CLEC4D: variants seen among roughly 807,000 people sequenced by gnomAD.
CLEC4D encodes C-type lectin domain family 4 member D.
A neutral mutation model predicts 21.1 loss-of-function variants in CLEC4D; 21 were observed. The observed-to-expected ratio is 1.00, with a 90% CI of 0.71 to 1.43. The LOEUF (loss-of-function observed/expected upper bound fraction) is 1.43. CLEC4D is among the 40% of genes most tolerant of loss of function. The probability of loss-of-function intolerance (pLI) is 0.00; values close to 1 mark genes in which losing one functional copy is unlikely to be tolerated. For missense variants in CLEC4D, 289 were observed against 260.7 expected, an observed-to-expected ratio of 1.11 and a Z score of -0.75; for synonymous variants, 85 against 83.1, an observed-to-expected ratio of 1.02 and a Z score of -0.12.
In CLEC4D at chr12:8,517,542, A is replaced by G. The variant is rs1025096550; in HGVS notation, c.122-622A>G. 2.7e-5 allele frequency among the ~76,000 whole-genome samples: 4 copies of G among 150,924 alleles called. No individual in the cohort carries two copies. In the South Asian group the frequency reaches 6.3e-4, roughly 24 times the overall value. On this transcript the variant is annotated intron_variant, in intron 2 of 5. Coordinates refer to ENST00000299665, the MANE Select transcript of CLEC4D (RefSeq NM_080387.5). ...AGGTGAAAGTATTTTAGAAATGCAT[A>G]AGGTTCATACAACCCAGCGCGCACC...
intron 2 of CLEC4D, among the ~76,000 whole-genome samples, chr12:8,517,081 C>T (rs1256729592): frequency 6.6e-6 from 1 of 152,116 alleles, no homozygotes; most frequent in Non-Finnish European, 1.5e-5. Flanking sequence ...AAGCAAAGCA[C>T]AGCGGTTACT....
intron 2 of CLEC4D, among the ~76,000 whole-genome samples, chr12:8,515,892 T>C (rs1940373904): frequency 6.6e-6 from 1 of 152,000 alleles, no homozygotes; most frequent in South Asian, 2.1e-4. Flanking sequence ...ATAATTATAA[T>C]TAAAGTAATA....
intron 2 of CLEC4D, among the ~76,000 whole-genome samples, chr12:8,517,256 C>T (rs1483772185): frequency 6.6e-6 from 1 of 152,114 alleles, no homozygotes; most frequent in Non-Finnish European, 1.5e-5. Flanking sequence ...ATTTGCTAAA[C>T]TGTTTTCCAC....
Position 8,521,397 on chromosome 12 carries a change from G to T in CLEC4D, c.*126G>T. 6.9e-7 allele frequency: 1 copy of T among 1,441,018 alleles called. No homozygotes were observed. 89.3% of individuals were successfully genotyped at this position (1,441,018 alleles called of 1,614,324 possible). A position where few individuals can be genotyped will look rare whatever the true frequency, so the allele number is the denominator to read the frequency against. The stretch of plus-strand genomic sequence containing the variant: ...TCATACAGCGTTTTTAGTCATAATG[G>T]TCTTTTTTATTTTGTTTGATTCATT... On this transcript the variant is annotated 3_prime_UTR_variant, in exon 6 of 6. Coordinates refer to ENST00000299665, the MANE Select transcript of CLEC4D (RefSeq NM_080387.5).
At chr12:8,521,034 T>C in intron 5 of CLEC4D, 90 bp from the exon 6 acceptor site, 2 of 1,454,734 alleles carry the variant, frequency 1.4e-6, no homozygotes, top group South Asian at 1.5e-5. Context: ...CTCTGAATTG[T>C]CTCCTAATAT....
At chr12:8,517,743 A>G (rs140423195) in intron 2 of CLEC4D, among the ~76,000 whole-genome samples, 2,077 of 152,134 alleles carry the variant, frequency 0.014, 49 homozygotes, top group African/African-American at 0.046. Context: ...TCAGGAGATC[A>G]AGACCATCCT....
At chr12:8,525,565 T>C (rs1366748470), downstream of CLEC4D, among the ~76,000 whole-genome samples, 1 of 152,210 alleles carries the variant, frequency 6.6e-6, no homozygotes, top group African/African-American at 2.4e-5. Flanking sequence ...TCCCTTTATT[T>C]TGAGCCTTTG....
At chr12:8,523,903 C>G (rs1416483350), downstream of CLEC4D, among the ~76,000 whole-genome samples, 5 of 152,110 alleles carry the variant, frequency 3.3e-5, no homozygotes, top group African/African-American at 1.2e-4. Flanking sequence ...GAGTTTTTAA[C>G]ATGAAAGGAT....
rs751277696 is a variant in CLEC4D at position 8,521,188 on chromosome 12, C to T, written c.565C>T (p.Gln189Ter). The change falls in exon 6 of 6, where the codon CAA becomes TAA. Residue 189 changes from glutamine to a stop codon, truncating the protein, a stop_gained. Coordinates refer to ENST00000299665, the MANE Select transcript of CLEC4D (RefSeq NM_080387.5). LOFTEE classifies it low-confidence loss of function (END_TRUNC). ...AAACTGTGTTGTTCTTGTTTATAACCAAGATAAATGGGCCTGGAATGATGT... is the reference window on the plus strand; with the variant it reads ...AAACTGTGTTGTTCTTGTTTATAACTAAGATAAATGGGCCTGGAATGATGT... ...GENCVVLVYN[Q>*]DKWAWNDVPC... 7 of 1,613,340 alleles carry T rather than the reference C, an allele frequency of 4.3e-6. No individual in the cohort carries two copies. The highest frequency in any genetic ancestry group is 5.9e-6 in the Non-Finnish European group (7 of 1,179,630).
At chr12:8,531,275 TA>T in the CLEC4D span, among the ~76,000 whole-genome samples, 1 of 152,156 alleles carries the variant, frequency 6.6e-6, no homozygotes, top group Non-Finnish European at 1.5e-5. Flanking sequence ...CTCCCGCATA[TA>T]CATGCACACA....
rs899584002 is a variant in CLEC4D at position 8,522,285 on chromosome 12, T to G, written c.*1014T>G. 6.6e-6 allele frequency: 1 copy of G among 152,156 alleles called. No individual in the cohort carries two copies. The highest frequency in any genetic ancestry group is 1.5e-5 in the Non-Finnish European group (1 of 67,992). The allele number at this position is 152,156 out of a possible 1,614,324, so 9.4% of individuals were successfully genotyped here. A position where few individuals can be genotyped will look rare whatever the true frequency, so the allele number is the denominator to read the frequency against. ...AGTTATTGTTTTGACAACCAGAAAT[T>G]ATGCTTTTCTGGTGCATGAAACATT... On this transcript the variant is annotated 3_prime_UTR_variant, in exon 6 of 6. Transcript: ENST00000299665.
chr12:8,529,420 G>A, the CLEC4D span, among the ~76,000 whole-genome samples: 35,442 of 152,086 alleles, frequency 0.23, 4,304 homozygotes, highest in Middle Eastern at 0.29. Flanking sequence ...TTTGAGACCA[G>A]CCTGGGCAAC....
chr12:8,527,604 A>G, the CLEC4D span, among the ~76,000 whole-genome samples: 1 of 149,656 alleles, frequency 6.7e-6, no homozygotes, highest in African/African-American at 2.4e-5. Flanking sequence ...TCCGCCGCCC[A>G]GGGAGCTTTG....
chr12:8,515,746 A>T (rs1940371459), intron 2 of CLEC4D, among the ~76,000 whole-genome samples: 1 of 151,830 alleles, frequency 6.6e-6, no homozygotes, highest in South Asian at 2.1e-4. Flanking sequence ...CCTTTCTTTC[A>T]ACCTCTTTAT....
the CLEC4D span, among the ~76,000 whole-genome samples, chr12:8,530,146 TA>T: frequency 9.8e-5 from 15 of 152,306 alleles, no homozygotes; most frequent in African/African-American, 3.6e-4. Flanking sequence ...CACTTAGTGT[TA>T]AAACATTTAA....
intron 2 of CLEC4D, among the ~76,000 whole-genome samples, chr12:8,517,349 G>A (rs1351849213): frequency 1.3e-5 from 2 of 151,840 alleles, no homozygotes. Context: ...TGCACAACGT[G>A]CAGGTTAGTT....
At chr12:8,515,398 A>G in intron 2 of CLEC4D, 70 bp downstream of exon 2, 1 of 834,658 alleles carries the variant, frequency 1.2e-6, no homozygotes, top group Non-Finnish European at 2.1e-6. Flanking sequence ...AAGTTGCTCT[A>G]AGCCTTTTGG....
chr12:8,514,984 G>A (rs768656099), intron 1 of CLEC4D, among the ~76,000 whole-genome samples: 1 of 151,974 alleles, frequency 6.6e-6, no homozygotes, highest in East Asian at 1.9e-4. Flanking sequence ...TATTCTAATG[G>A]CTCTTGGGTT....
chr12:8,528,224 T>C, the CLEC4D span, among the ~76,000 whole-genome samples: 2 of 152,100 alleles, frequency 1.3e-5, no homozygotes, highest in African/African-American at 4.8e-5. Context: ...GTTGATGTAT[T>C]AATGGGTTAT....
Sources: gnomAD v4.1 joint callset for allele counts (sites outside exome capture counted in the v4.1 genomes callset) on GRCh38, gnomAD v4.1.1 for gene constraint, MANE v1.5 for transcripts, NCBI Gene and HGNC (gene_info 2026-07-23, HGNC 2026-07-21) for gene names.